The following DRC7 variants were observed in gnomAD, a reference collection of about 807,000 sequenced individuals.
DRC7 encodes the protein dynein regulatory complex subunit 7.
In DRC7, 80 loss-of-function variants were observed where a neutral mutation model predicts 104.4. The observed-to-expected ratio is 0.77, with a 90% CI of 0.64 to 0.92. The LOEUF is 0.92. Ranked by LOEUF, DRC7 falls within the 40% of genes least tolerant of loss-of-function variation. The pLI is 0.00. For missense variants in DRC7, 1,034 were observed against 1,141.1 expected (o/e 0.91, Z 1.35); for synonymous variants, 405 against 447.3 (o/e 0.91, Z 1.19).
chr16:57,695,187 TGACAC>T (rs138364150), intron 1 of DRC7, among the ~76,000 whole-genome samples: 16,028 of 151,598 alleles, frequency 0.11, 1,155 homozygotes, highest in Non-Finnish European at 0.14. Flanking sequence ...GTTCTGGGAC[TGACAC>T]GTCGGCTTCC....
chr16:57,721,876 C>T (rs2048906613), intron 10 of DRC7, 137 bp downstream of exon 10: 1 of 628,356 alleles, frequency 1.6e-6, no homozygotes, highest in South Asian at 1.9e-5. Context: ...CCTTCAGCTG[C>T]ACCCTCCCTC....
Position 57,721,738 on chromosome 16 carries a change from A to G in DRC7, c.1278A>G (p.Glu426=), listed in dbSNP as rs752333357. The G allele has an allele frequency of 1.1e-5, 18 of 1,612,568 alleles. No homozygotes were observed. Among genetic ancestry groups the G allele is most frequent in the Middle Eastern group, 3.3e-4 (2 of 6,054 alleles). The change falls in exon 10 of 19, where the codon GAA becomes GAG. Residue 426 remains glutamate, a splice_region_variant and synonymous_variant. Coordinates refer to ENST00000360716, the MANE Select transcript of DRC7 (RefSeq NM_001289162.2). The part of the protein sequence containing the change: ...SWVEQIEISP[E]AFETRCPNGK... ...TGGAGCAGATTGAGATCTCCCCGGA[A>G]GGTATTTTCTATTTGTGTATTCACT...
At chr16:57,729,983 T>G (rs1428012195) in intron 17 of DRC7, among the ~76,000 whole-genome samples, 1 of 134,004 alleles carries the variant, frequency 7.5e-6, no homozygotes, top group Non-Finnish European at 1.6e-5. Flanking sequence ...AGTGGATAGA[T>G]GGACGGTTGG....
intron 8 of DRC7, among the ~76,000 whole-genome samples, chr16:57,715,236 G>A (rs918444703): frequency 3.9e-5 from 6 of 152,116 alleles, no homozygotes; most frequent in Non-Finnish European, 7.4e-5. Flanking sequence ...TTTTAGTAGA[G>A]ACAGGGTTTC....
intron 8 of DRC7, chr16:57,714,004 C>A: frequency 4.9e-6 from 1 of 204,222 alleles, no homozygotes; most frequent in Non-Finnish European, 1.0e-5. Flanking sequence ...CCTGGGAGTC[C>A]ATGGTCAAGT....
At position 57,707,656 on chromosome 16, in the gene DRC7, A is replaced by T; in HGVS notation, c.1055A>T (p.Gln352Leu). ...WNHKNYWINM[Q>L]DCWNCCKDLI... ...CACAAGAACTACTGGATCAACATGC[A>T]GGATTGCTGGAACTGCTGCAAGGTG... The change falls in exon 8 of 19, where the codon CAG (glutamine) becomes CTG (leucine). Residue 352 changes from glutamine (Q) to leucine (L), a missense_variant. Transcript: ENST00000360716. The T allele has an allele frequency of 6.2e-7, 1 of 1,613,412 alleles. No individual in the cohort carries two copies. Among genetic ancestry groups the T allele is most frequent in the East Asian group, 2.2e-5 (1 of 44,888 alleles).
At chr16:57,724,139 G>A (rs901966739) in intron 12 of DRC7, among the ~76,000 whole-genome samples, 6 of 151,838 alleles carry the variant, frequency 4.0e-5, no homozygotes, top group African/African-American at 1.5e-4. Flanking sequence ...GTGAAACCCC[G>A]TTTCTACTAA....
At chr16:57,727,537 T>C in intron 16 of DRC7, 128 bp downstream of exon 16, 1 of 664,248 alleles carries the variant, frequency 1.5e-6, no homozygotes. Flanking sequence ...TACCATGCGG[T>C]CATCCTTGCT....
chr16:57,716,553 C>G (rs139487200), intron 8 of DRC7, among the ~76,000 whole-genome samples: 82 of 151,882 alleles, frequency 5.4e-4, no homozygotes, highest in African/African-American at 1.9e-3. Flanking sequence ...CAATTGGGTT[C>G]CTATCCACTA....
At chr16:57,695,880 G>C (rs1224980161) in intron 1 of DRC7, among the ~76,000 whole-genome samples, 2 of 152,242 alleles carry the variant, frequency 1.3e-5, no homozygotes, top group Non-Finnish European at 2.9e-5. Flanking sequence ...CTGGTGGCCA[G>C]GGACTCACCT....
intron 13 of DRC7, 113 bp from the exon 14 acceptor site, chr16:57,725,955 G>C (rs1410717474): frequency 1.4e-5 from 13 of 904,840 alleles, no homozygotes; most frequent in Non-Finnish European, 2.3e-5. Context: ...ATCGCCAAAC[G>C]ACCCCAGACT....
At position 57,731,008 on chromosome 16, in the gene DRC7, G is replaced by C; in HGVS notation, c.2469G>C (p.Leu823=). 6.2e-7 allele frequency: 1 copy of C among 1,613,660 alleles called. No individual in the cohort carries two copies. The highest frequency in any genetic ancestry group is 8.5e-7 in the Non-Finnish European group (1 of 1,179,978). Residue 823 remains leucine (L), a synonymous_variant, in exon 18 of 19, where the codon CTG becomes CTC. Transcript: ENST00000360716. ...CGCTGACACCCGAGGATGAAGACCT[G>C]TACCTGAGTTACTGCTCTCAGGCCA... is the stretch of plus-strand genomic sequence containing the variant. ...QVTLTPEDED[L]YLSYCSQAMF...
chr16:57,704,402 C>T (rs1489711862), intron 6 of DRC7, among the ~76,000 whole-genome samples: 1 of 143,724 alleles, frequency 7.0e-6, no homozygotes. Flanking sequence ...CACACACACA[C>T]ACACGGTTTC....
chr16:57,700,721 A>C (rs866226223), intron 5 of DRC7, among the ~76,000 whole-genome samples: 1 of 151,428 alleles, frequency 6.6e-6, no homozygotes, highest in Non-Finnish European at 1.5e-5. Context: ...GAGACTTTTA[A>C]TGATGGTCTT....
In DRC7 at chr16:57,728,551, C is replaced by T. The variant is rs769548146; in HGVS notation, c.2358C>T (p.Asn786=). 5 of 1,609,220 alleles carry T rather than the reference C, an allele frequency of 3.1e-6. No individual in the cohort carries two copies. Among genetic ancestry groups the T allele is most frequent in the Non-Finnish European group, 4.2e-6 (5 of 1,178,118 alleles). ...CLSDFKQRLI[N]KANLIQARFE... ...GCGACTTCAAGCAGCGGCTCATCAA[C>T]AAGGCCAACCTCATCCAGGCCCGCT... The change falls in exon 17 of 19, where the codon AAC becomes AAT. Residue 786 remains asparagine (N), a synonymous_variant. Coordinates refer to ENST00000360716, the MANE Select transcript of DRC7 (RefSeq NM_001289162.2).
intron 5 of DRC7, 34 bp downstream of exon 5, chr16:57,700,304 C>T: frequency 6.3e-7 from 1 of 1,598,304 alleles, no homozygotes; most frequent in Admixed American, 1.7e-5. Flanking sequence ...TGCCTGAGCC[C>T]ACCAGGACTA....
chr16:57,718,112 A>C (rs2048863021), intron 8 of DRC7, among the ~76,000 whole-genome samples: 1 of 152,172 alleles, frequency 6.6e-6, no homozygotes, highest in South Asian at 2.1e-4. Flanking sequence ...CCTCACAGGG[A>C]GGCTGAATGA....
chr16:57,710,539 G>A (rs1317519999), intron 8 of DRC7, among the ~76,000 whole-genome samples: 1 of 152,184 alleles, frequency 6.6e-6, no homozygotes, highest in Admixed American at 6.5e-5. Flanking sequence ...ATGTTAAACA[G>A]AAGTGATGAA....
intron 1 of DRC7, among the ~76,000 whole-genome samples, chr16:57,695,378 T>G (rs1184855488): frequency 6.6e-6 from 1 of 152,158 alleles, no homozygotes; most frequent in African/African-American, 2.4e-5. Context: ...TGCACTTAAC[T>G]TCTCTGGGCC....
Sources: gnomAD v4.1 joint callset for allele counts (sites outside exome capture counted in the v4.1 genomes callset) on GRCh38, gnomAD v4.1.1 for gene constraint, MANE v1.5 for transcripts, NCBI Gene and HGNC (gene_info 2026-07-23, HGNC 2026-07-21) for gene names.